CRPPA: variants seen among roughly 807,000 people sequenced by gnomAD.
The protein encoded by CRPPA is D-ribitol-5-phosphate cytidylyltransferase.
Under a neutral mutation model 52.0 loss-of-function variants are expected in CRPPA, and 43 were observed. That is an observed-to-expected ratio of 0.83 (90% CI 0.65 to 1.07). CRPPA has a LOEUF of 1.07. CRPPA is among the 50% of genes least tolerant of loss of function. The pLI, the probability that CRPPA is intolerant of heterozygous loss-of-function variation, is 0.00. For missense variants in CRPPA, 629 were observed against 551.7 expected (o/e 1.14, Z -1.40); for synonymous variants, 250 against 203.5 (o/e 1.23, Z -1.94).
rs1784360931 is a variant in CRPPA at position 16,283,510 on chromosome 7, A to T, written c.836-5284T>A. Among the ~76,000 whole-genome samples the T allele has an allele frequency of 2.1e-5, 3 of 140,232 alleles. No homozygotes were observed. The South Asian group carries it at 6.7e-4, about 31-fold the overall frequency. The allele number at this position is 140,232 out of a possible 152,430, so 92.0% of individuals were successfully genotyped here. On this transcript the variant is annotated intron_variant, in intron 5 of 9. Transcript: ENST00000407010. ...ACGTAGATCTATATATATAAAAATG[A>T]TACTATCTATGTGTATATATATATC... is the stretch of plus-strand genomic sequence containing the variant.
chr7:16,325,939 C>A (rs867742348), intron 3 of CRPPA, among the ~76,000 whole-genome samples: 4 of 151,852 alleles, frequency 2.6e-5, no homozygotes, highest in South Asian at 2.1e-4. Flanking sequence ...AAGGGATAAG[C>A]TATCCAAGAA....
At chr7:16,329,469 G>T (rs1394567932) in intron 3 of CRPPA, among the ~76,000 whole-genome samples, 1 of 152,120 alleles carries the variant, frequency 6.6e-6, no homozygotes, top group Non-Finnish European at 1.5e-5. Context: ...TTTTTCATCT[G>T]AAACTGGCTT....
intron 4 of CRPPA, among the ~76,000 whole-genome samples, chr7:16,301,811 G>A (rs1784793525): frequency 6.6e-6 from 1 of 152,126 alleles, no homozygotes; most frequent in Non-Finnish European, 1.5e-5. Flanking sequence ...AGAAAAAAAG[G>A]TAGGGTGGAA....
intron 5 of CRPPA, among the ~76,000 whole-genome samples, chr7:16,300,507 T>C (rs1412841105): frequency 6.6e-6 from 1 of 152,152 alleles, no homozygotes; most frequent in African/African-American, 2.4e-5. Context: ...GGAGTCCATA[T>C]TTTAAAATAG....
intron 9 of CRPPA, among the ~76,000 whole-genome samples, chr7:16,099,350 G>T (rs1338944368): frequency 6.9e-6 from 1 of 145,818 alleles, no homozygotes; most frequent in East Asian, 2.1e-4. Flanking sequence ...GACAGGAAGG[G>T]GAGGGAAGGG....
chr7:16,333,222 C>A (rs1785598157), intron 3 of CRPPA, among the ~76,000 whole-genome samples: 2 of 152,072 alleles, frequency 1.3e-5, no homozygotes, highest in Non-Finnish European at 2.9e-5. Flanking sequence ...ACACACAAAA[C>A]AAAAGCAATA....
In CRPPA at chr7:16,168,787, C is replaced by T. The variant is rs533827646; in HGVS notation, c.1251+47279G>A. On this transcript the variant is annotated intron_variant, in intron 9 of 9. Coordinates refer to ENST00000407010, the MANE Select transcript of CRPPA (RefSeq NM_001101426.4). ...ACGGTTACGTTAACAAATACACATG[C>T]TAAAAGAAAAAGAAATGTATACTAT... is the stretch of plus-strand genomic sequence containing the variant. 7.2e-4 allele frequency among the ~76,000 whole-genome samples: 109 copies of T among 152,026 alleles called. No homozygotes were observed. In the South Asian group the frequency reaches 0.021, roughly 30 times the overall value.
At chr7:16,140,453 C>T (rs1029867250) in intron 9 of CRPPA, among the ~76,000 whole-genome samples, 3 of 152,190 alleles carry the variant, frequency 2.0e-5, no homozygotes, top group African/African-American at 7.2e-5. Flanking sequence ...GTGTGACCCA[C>T]TGCGCCCAGT....
chr7:16,131,031 C>T (rs1314539968), intron 9 of CRPPA, among the ~76,000 whole-genome samples: 2 of 152,194 alleles, frequency 1.3e-5, no homozygotes, highest in Admixed American at 6.5e-5. Flanking sequence ...GTACCTTCAC[C>T]TTGAACTTGC....
intron 1 of CRPPA, among the ~76,000 whole-genome samples, chr7:16,413,713 G>A (rs1788122989): frequency 1.3e-5 from 2 of 152,048 alleles, no homozygotes; most frequent in Admixed American, 1.3e-4. Flanking sequence ...AAAACAAATC[G>A]AATAAATGGA....
intron 9 of CRPPA, among the ~76,000 whole-genome samples, chr7:16,152,789 C>G (rs1241904214): frequency 2.0e-5 from 3 of 151,870 alleles, no homozygotes; most frequent in African/African-American, 7.2e-5. Flanking sequence ...GACTTTTTTT[C>G]TGTAGCACCA....
intron 3 of CRPPA, among the ~76,000 whole-genome samples, chr7:16,369,458 C>T (rs1786691859): frequency 6.6e-6 from 1 of 152,182 alleles, no homozygotes; most frequent in Admixed American, 6.5e-5. Flanking sequence ...GGCCTGGCAC[C>T]AGGCTGCCTG....
At chr7:16,257,962 G>A (rs775171833) in intron 8 of CRPPA, among the ~76,000 whole-genome samples, 14 of 151,804 alleles carry the variant, frequency 9.2e-5, no homozygotes, top group East Asian at 5.8e-4. Flanking sequence ...TTTTGCTTTC[G>A]GTGGAACAGA....
chr7:16,382,511 T>C (rs1230894788), intron 2 of CRPPA, among the ~76,000 whole-genome samples: 1 of 152,146 alleles, frequency 6.6e-6, no homozygotes, highest in Non-Finnish European at 1.5e-5. Context: ...TGGCATTCTC[T>C]GTATTTCCTG....
chr7:16,391,077 C>G (rs147531203), intron 2 of CRPPA, among the ~76,000 whole-genome samples: 1 of 152,150 alleles, frequency 6.6e-6, no homozygotes, highest in Non-Finnish European at 1.5e-5. Flanking sequence ...CTCTTGAATT[C>G]TGGATTTGCA....
chr7:16,303,946 C>T (rs190618132), intron 4 of CRPPA, among the ~76,000 whole-genome samples: 88 of 152,192 alleles, frequency 5.8e-4, no homozygotes, highest in Middle Eastern at 3.4e-3. Flanking sequence ...ATTCAGACAA[C>T]GGAACACAGT....
chr7:16,283,769 A>G (rs943725662), intron 5 of CRPPA, among the ~76,000 whole-genome samples: 1 of 151,922 alleles, frequency 6.6e-6, no homozygotes, highest in African/African-American at 2.4e-5. Flanking sequence ...TAAAAACCCA[A>G]ACCCACACAA....
intron 9 of CRPPA, among the ~76,000 whole-genome samples, chr7:16,168,601 G>A (rs1052934291): frequency 2.7e-5 from 4 of 150,062 alleles, no homozygotes; most frequent in African/African-American, 7.4e-5. Context: ...ATTGAAGAGA[G>A]AATGGACATT....
chr7:16,342,782 A>G (rs199912327), intron 3 of CRPPA, among the ~76,000 whole-genome samples: 24,956 of 76,444 alleles, frequency 0.33, 5,907 homozygotes, highest in South Asian at 0.51. Flanking sequence ...AAAAAAAAAA[A>G]ATATATATAT....
Sources: allele counts gnomAD v4.1 joint callset (sites outside exome capture counted in the v4.1 genomes callset), GRCh38; gene constraint gnomAD v4.1.1; transcripts MANE v1.5; gene names NCBI Gene and HGNC (gene_info 2026-07-23, HGNC 2026-07-21).